TCF12: variants seen among roughly 807,000 people sequenced by gnomAD.
TCF12 encodes the protein DNA-binding protein HTF4.
TCF12 carries 45 observed loss-of-function variants against 86.0 expected under a neutral mutation model. The ratio of observed to expected loss-of-function variants is 0.52; its 90% confidence interval spans 0.41 to 0.67. The LOEUF (loss-of-function observed/expected upper bound fraction) is 0.67. Among genes scored for constraint, TCF12 ranks in the 30% least tolerant of loss-of-function variants. The probability of loss-of-function intolerance (pLI) is 0.00; values close to 1 mark genes in which losing one functional copy is unlikely to be tolerated. For synonymous variants in TCF12, 330 were observed against 299.6 expected (o/e 1.10, Z -1.05); for missense variants, 881 against 859.9 (o/e 1.02, Z -0.31).
chr15:56,941,581 G>C (rs1239914598), intron 3 of TCF12, among the ~76,000 whole-genome samples: 2 of 151,594 alleles, frequency 1.3e-5, no homozygotes, highest in Non-Finnish European at 2.9e-5. Flanking sequence ...CATTATGTTG[G>C]CCAGGCTGGT....
Position 56,974,785 on chromosome 15 carries a change from C to T in TCF12, c.148+53687C>T, listed in dbSNP as rs1378023517. 2.6e-5 allele frequency among the ~76,000 whole-genome samples: 4 copies of T among 151,930 alleles called. No homozygotes were observed. In the South Asian group the frequency reaches 8.3e-4, roughly 31 times the overall value. ...CCCTAAATTGTTTGACAACTAATTT[C>T]GTATTTTTTTTTCTCTACCAACCTT... On this transcript the variant is annotated intron_variant, in intron 3 of 20. Coordinates refer to ENST00000333725, the MANE Select transcript of TCF12 (RefSeq NM_207037.2).
intron 19 of TCF12, among the ~76,000 whole-genome samples, chr15:57,279,912 CAG>C (rs1783715003): frequency 9.8e-6 from 1 of 102,108 alleles, no homozygotes; most frequent in Non-Finnish European, 1.8e-5. Context: ...TTTTTGGAGA[CAG>C]AGTTTTGCTC....
intron 3 of TCF12, among the ~76,000 whole-genome samples, chr15:56,945,476 T>A (rs1034173625): frequency 6.6e-6 from 1 of 152,016 alleles, no homozygotes; most frequent in Non-Finnish European, 1.5e-5. Context: ...ATCTGAGAGG[T>A]TTTAATTTTG....
chr15:57,153,808 G>A (rs1159467926), intron 5 of TCF12, among the ~76,000 whole-genome samples: 2 of 151,910 alleles, frequency 1.3e-5, no homozygotes, highest in Admixed American at 1.3e-4. Flanking sequence ...GATTGCTTGA[G>A]GGCAGGAGTT....
At chr15:56,989,907 C>T (rs1173385936) in intron 3 of TCF12, among the ~76,000 whole-genome samples, 2 of 152,084 alleles carry the variant, frequency 1.3e-5, no homozygotes, top group Non-Finnish European at 2.9e-5. Flanking sequence ...ACCTAGTTTT[C>T]CTTGACCTGG....
rs902056362 is a variant in TCF12 at position 57,288,536 on chromosome 15, T to C, written c.*2391T>C. The C allele has an allele frequency of 2.0e-5, 3 of 152,638 alleles. No homozygotes were observed. Among genetic ancestry groups the C allele is most frequent in the Admixed American group, 6.5e-5 (1 of 15,284 alleles). 9.5% of individuals were successfully genotyped at this position (152,638 alleles called of 1,614,324 possible). A position where few individuals can be genotyped will look rare whatever the true frequency, so the allele number is the denominator to read the frequency against. ...CAGTAAAATAGTGAGTTTTTTACAT[T>C]TCTCTTTCTCAAATAATAATGTATT... On this transcript the variant is annotated 3_prime_UTR_variant, in exon 21 of 21. Coordinates refer to ENST00000333725, the MANE Select transcript of TCF12 (RefSeq NM_207037.2).
chr15:56,980,534 G>C (rs927233143), intron 3 of TCF12, among the ~76,000 whole-genome samples: 9 of 152,160 alleles, frequency 5.9e-5, no homozygotes, highest in Admixed American at 5.2e-4. Context: ...GTAAATTTCT[G>C]TTTATAAATT....
At chr15:57,278,740 CCTCCCTCCCTCTCT>C (rs1567041565) in intron 19 of TCF12, 1 of 125,404 alleles carries the variant, frequency 8.0e-6, no homozygotes, top group African/African-American at 3.1e-5. Context: ...CCTCTCTCTC[CCTCCCTCCCTCTCT>C]CTCCCTCTCT....
intron 6 of TCF12, among the ~76,000 whole-genome samples, chr15:57,180,235 T>A (rs2056240674): frequency 6.6e-6 from 1 of 152,190 alleles, no homozygotes. Context: ...GCCCTCACCC[T>A]TCGATTTTGA....
chr15:57,078,778 G>C (rs1187607967), intron 4 of TCF12, among the ~76,000 whole-genome samples: 1 of 152,208 alleles, frequency 6.6e-6, no homozygotes, highest in African/African-American at 2.4e-5. Flanking sequence ...TTAGGATATA[G>C]ATTGATAGTA....
At chr15:57,036,339 C>T (rs1168046881) in intron 3 of TCF12, among the ~76,000 whole-genome samples, 3 of 151,796 alleles carry the variant, frequency 2.0e-5, no homozygotes, top group African/African-American at 4.8e-5. Flanking sequence ...AGGTTGACTG[C>T]GTTTGTAATC....
intron 5 of TCF12, among the ~76,000 whole-genome samples, chr15:57,092,694 G>C (rs138278589): frequency 6.6e-6 from 1 of 151,690 alleles, no homozygotes; most frequent in East Asian, 1.9e-4. Context: ...GCTTATGCTG[G>C]GGCTGAAAAT....
At chr15:57,154,100 C>T (rs770558383) in intron 5 of TCF12, among the ~76,000 whole-genome samples, 35 of 151,822 alleles carry the variant, frequency 2.3e-4, no homozygotes, top group Non-Finnish European at 4.1e-4. Context: ...GACTTAAATC[C>T]AGCCATATCA....
At chr15:57,175,741 G>A (rs887004087) in intron 6 of TCF12, among the ~76,000 whole-genome samples, 1 of 152,120 alleles carries the variant, frequency 6.6e-6, no homozygotes, top group African/African-American at 2.4e-5. Flanking sequence ...CTCATTCAGA[G>A]AACTAAGAAG....
intron 3 of TCF12, among the ~76,000 whole-genome samples, chr15:57,007,669 C>A (rs1394692120): frequency 6.6e-6 from 1 of 152,180 alleles, no homozygotes; most frequent in East Asian, 1.9e-4. Context: ...ATAATGAAAA[C>A]TGACTAATAT....
intron 3 of TCF12, among the ~76,000 whole-genome samples, chr15:57,016,611 G>A (rs2065166674): frequency 6.6e-6 from 1 of 151,974 alleles, no homozygotes; most frequent in Non-Finnish European, 1.5e-5. Context: ...TGATAGAATG[G>A]CATACTTATA....
intron 6 of TCF12, among the ~76,000 whole-genome samples, chr15:57,182,248 A>G (rs1379743631): frequency 1.3e-5 from 2 of 148,706 alleles, no homozygotes; most frequent in African/African-American, 5.2e-5. Context: ...GAAGAAAAAT[A>G]AAATAGTTGA....
At chr15:56,926,964 T>G (rs1197093706) in intron 3 of TCF12, among the ~76,000 whole-genome samples, 1 of 152,182 alleles carries the variant, frequency 6.6e-6, no homozygotes, top group African/African-American at 2.4e-5. Context: ...TTATTTACTT[T>G]GGAGGCCTTT....
At chr15:57,279,326 A>G (rs1430388587) in intron 19 of TCF12, among the ~76,000 whole-genome samples, 3 of 152,220 alleles carry the variant, frequency 2.0e-5, no homozygotes, top group South Asian at 2.1e-4. Flanking sequence ...TGCTATAAAC[A>G]TGTTGCAAAG....
Sources: gnomAD v4.1 joint callset for allele counts (sites outside exome capture counted in the v4.1 genomes callset) on GRCh38, gnomAD v4.1.1 for gene constraint, MANE v1.5 for transcripts, NCBI Gene and HGNC (gene_info 2026-07-23, HGNC 2026-07-21) for gene names.